CYP17A1: variants seen among roughly 807,000 people sequenced by gnomAD.
The protein encoded by CYP17A1 is steroid 17-alpha-hydroxylase/17,20 lyase.
CYP17A1 carries 27 observed loss-of-function variants against 38.5 expected under a neutral mutation model. That is an observed-to-expected ratio of 0.70 (90% CI 0.52 to 0.97). The LOEUF is 0.97. Ranked by LOEUF, CYP17A1 falls within the 50% of genes least tolerant of loss-of-function variation. The pLI is 0.00. For missense variants in CYP17A1, 549 were observed against 645.9 expected (o/e 0.85, Z 1.63); for synonymous variants, 263 against 253.3 (o/e 1.04, Z -0.36).
rs751185024 is a variant in CYP17A1 at position 102,837,277 on chromosome 10, T to G, written c.85A>C (p.Lys29Gln). The change falls in exon 1 of 8, where the codon AAG (lysine) becomes CAG (glutamine). Residue 29 changes from lysine to glutamine, a missense_variant. Lys to Gln is a moderately conservative substitution (Grantham distance 53). Around this residue, in one of 3 missense-constraint regions of CYP17A1, gnomAD observed 289 missense variants for 320.9 expected, o/e 0.90. Coordinates refer to ENST00000369887, the MANE Select transcript of CYP17A1 (RefSeq NM_000102.4). ...ACCAGGGGCAGGGACAGGAGGCTCT[T>G]GGGGTACTTGGCACCAGGGCACCTT... ...KRRCPGAKYPKSLLSLPLVGS... is the reference protein window; with the variant it reads ...KRRCPGAKYPQSLLSLPLVGS... The G allele has an allele frequency of 2.5e-6, 4 of 1,605,384 alleles. No homozygotes were observed. Among genetic ancestry groups the G allele is most frequent in the Non-Finnish European group, 3.4e-6 (4 of 1,172,032 alleles).
rs759680642 is a variant in CYP17A1 at position 102,830,736 on chromosome 10, G to A, written c.1493C>T (p.Ala498Val). 1.9e-5 allele frequency: 30 copies of A among 1,602,554 alleles called. No individual in the cohort carries two copies. Among genetic ancestry groups the A allele is most frequent in the Non-Finnish European group, 2.1e-5 (25 of 1,171,756 alleles). Residue 498 changes from alanine (A) to valine (V), a missense_variant, in exon 8 of 8, where the codon GCC becomes GTC. Coordinates refer to ENST00000369887, the MANE Select transcript of CYP17A1 (RefSeq NM_000102.4). This position sits in a 1 kb window ranked among gnomAD's most constrained non-coding sequence, Gnocchi z 4.1. ...SFKVKIKVRQ[A>V]WREAQAEGST ...ACCCTCAGCCTGGGCTTCCCTCCAG[G>A]CCTGGCGCACCTTGATCTTCACTTT...
chr10:102,836,925 C>T (rs1033780661), intron 1 of CYP17A1, 140 bp downstream of exon 1: 2 of 743,734 alleles, frequency 2.7e-6, no homozygotes, highest in Non-Finnish European at 4.9e-6. Context: ...AGGTTCACTC[C>T]CTTCACATCA....
Position 102,835,616 on chromosome 10 carries a change from G to A in CYP17A1, c.298-224C>T, listed in dbSNP as rs570171570. On this transcript the variant is annotated intron_variant, in intron 1 of 7. Coordinates refer to ENST00000369887, the MANE Select transcript of CYP17A1 (RefSeq NM_000102.4). ...TTCCTTCAGAAATACAGTAGATCAA[G>A]GAGAAAGAAAGAACCCTTAATTAGA... The A allele has an allele frequency of 4.6e-5, 27 of 589,278 alleles. No individual in the cohort carries two copies. The South Asian group carries it at 4.9e-4, about 11-fold the overall frequency. The allele number at this position is 589,278 out of a possible 1,614,324, so 36.5% of individuals were successfully genotyped here. A position where few individuals can be genotyped will look rare whatever the true frequency, so the allele number is the denominator to read the frequency against.
At chr10:102,834,185 G>C in intron 3 of CYP17A1, 63 bp from the exon 4 acceptor site, 2 of 814,270 alleles carry the variant, frequency 2.5e-6, no homozygotes, top group Non-Finnish European at 2.2e-6. Context: ...AGCTGCCAGA[G>C]TCTCTCCTGG....
intron 1 of CYP17A1, 133 bp downstream of exon 1, chr10:102,836,932 A>G (rs1039949595): frequency 3.7e-5 from 28 of 756,342 alleles, no homozygotes; most frequent in Middle Eastern, 7.2e-4. Context: ...CTCCCTTCAC[A>G]TCATCCCACT....
intron 2 of CYP17A1, 93 bp from the exon 3 acceptor site, chr10:102,835,107 T>C: frequency 9.2e-7 from 1 of 1,085,392 alleles, no homozygotes; most frequent in East Asian, 2.4e-5. Flanking sequence ...GGGGGACAGA[T>C]AGCAGATGGC....
In CYP17A1 at chr10:102,830,703, T is replaced by G; in HGVS notation, c.1526A>C (p.Ter509SerextTer3). The G allele has an allele frequency of 1.3e-6, 2 of 1,569,730 alleles. No individual in the cohort carries two copies. The highest frequency in any genetic ancestry group is 1.7e-6 in the Non-Finnish European group (2 of 1,143,426). ...GACAGGGGCTGTGAGTTACAGCCTTTAGGTGCTACCCTCAGCCTGGGCTTC... is the reference window on the plus strand; with the variant it reads ...GACAGGGGCTGTGAGTTACAGCCTTGAGGTGCTACCCTCAGCCTGGGCTTC... ...WREAQAEGST[*>S] Residue 509 changes from the stop codon to serine (S), a stop_lost, in exon 8 of 8, where the codon TAA becomes TCA. Coordinates refer to ENST00000369887, the MANE Select transcript of CYP17A1 (RefSeq NM_000102.4). This position sits in a 1 kb window ranked among gnomAD's most constrained non-coding sequence, Gnocchi z 4.1.
chr10:102,835,388 G>A lies in CYP17A1; in HGVS notation c.302C>T (p.Thr101Ile). The change falls in exon 2 of 8, where the codon ACT (threonine) becomes ATT (isoleucine). Residue 101 changes from threonine (T) to isoleucine (I), a missense_variant. Around this residue, in one of 3 missense-constraint regions of CYP17A1, gnomAD observed 289 missense variants for 320.9 expected, o/e 0.90. Transcript: ENST00000369887. ...ACGGTTGTTGGACGCGATGTCTAGA[G>A]TTGCCTTTAGAGAGCAGGCAAGGCT... ...KDFSGRPQMATLDIASNNRKG... is the reference protein window; with the variant it reads ...KDFSGRPQMAILDIASNNRKG... 1 of 1,612,448 alleles carries A rather than the reference G, an allele frequency of 6.2e-7. No individual in the cohort carries two copies. The highest frequency in any genetic ancestry group is 8.5e-7 in the Non-Finnish European group (1 of 1,178,382).
At chr10:102,833,595 T>C in intron 4 of CYP17A1, 1 of 300,902 alleles carries the variant, frequency 3.3e-6, no homozygotes, top group East Asian at 8.9e-5. Flanking sequence ...TAGCTGGGAT[T>C]ATAGGCATGC....
At chr10:102,835,209 C>A in intron 2 of CYP17A1, 45 bp downstream of exon 2, 1 of 1,564,952 alleles carries the variant, frequency 6.4e-7, no homozygotes, top group Non-Finnish European at 8.8e-7. Flanking sequence ...TCCAGCAGCT[C>A]CTGTGGGATC....
At chr10:102,834,405 A>G in intron 3 of CYP17A1, 1 of 552,696 alleles carries the variant, frequency 1.8e-6, no homozygotes. Flanking sequence ...CTTAGGAGTG[A>G]GAGAGACATG....
chr10:102,830,828 C>T lies in CYP17A1; in HGVS notation c.1401G>A (p.Val467=), dbSNP rs368364729. 2.5e-6 allele frequency: 4 copies of T among 1,596,716 alleles called. No homozygotes were observed. The highest frequency in any genetic ancestry group is 3.4e-6 in the Non-Finnish European group (4 of 1,169,178). ...AWLLQRFDLE[V]PDDGQLPSLE... is the part of the protein sequence containing the mutation. The stretch of plus-strand genomic sequence containing the variant: ...GGGAGGGCAGCTGCCCATCATCTGG[C>T]ACCTCCAGGTCGAACCTCTGCAGCA... Residue 467 remains valine (V), a synonymous_variant, in exon 8 of 8, where the codon GTG becomes GTA. Transcript: ENST00000369887. This position sits in a 1 kb window ranked among gnomAD's most constrained non-coding sequence, Gnocchi z 4.1.
chr10:102,835,455 C>T (rs1438741884), intron 1 of CYP17A1, 63 bp from the exon 2 acceptor site: 11 of 1,382,118 alleles, frequency 8.0e-6, no homozygotes, highest in African/African-American at 4.3e-5. Context: ...GCCCTTACAC[C>T]TCTGGTCCCT....
chr10:102,831,667 C>A (rs1180145389), intron 6 of CYP17A1, 56 bp from the exon 7 acceptor site: 2 of 1,605,164 alleles, frequency 1.2e-6, no homozygotes, highest in African/African-American at 1.3e-5. Flanking sequence ...CCCTTCCTTG[C>A]TCAGCCTCAT....
rs759770054 is a variant in CYP17A1, at chr10:102,832,555, G to A, written c.1095C>T (p.Pro365=). 1.2e-5 allele frequency: 19 copies of A among 1,611,162 alleles called. No homozygotes were observed. The highest frequency in any genetic ancestry group is 2.2e-5 in the East Asian group (1 of 44,874). ...TGTGGGGGATGAGCATAGGGGCCAC[G>A]GGCCTGAGGCGAAGCACCTCTCGGA... ...ATIREVLRLR[P]VAPMLIPHKA... The change falls in exon 6 of 8, where the codon CCC becomes CCT. Residue 365 remains proline, a synonymous_variant. Coordinates refer to ENST00000369887, the MANE Select transcript of CYP17A1 (RefSeq NM_000102.4).
chr10:102,833,353 G>GAGGTAGGAGGC, intron 4 of CYP17A1, 145 bp from the exon 5 acceptor site: 1 of 1,513,996 alleles, frequency 6.6e-7, no homozygotes, highest in Non-Finnish European at 8.9e-7. Flanking sequence ...CGAACTTGTG[G>GAGGTAGGAGGC]AGGTAGGAGG....
rs759296743 is a variant in CYP17A1 at position 102,830,876 on chromosome 10, C to T, written c.1353G>A (p.Glu451=). 1.3e-6 allele frequency: 2 copies of T among 1,585,118 alleles called. No homozygotes were observed. Among genetic ancestry groups the T allele is most frequent in the Non-Finnish European group, 1.7e-6 (2 of 1,161,762 alleles). ...GCAGCCAGGCCATGATGAGGAAGAG[C>T]TCCTGGCGGGCCAGGATCTCACCTA... ...SCIGEILARQ[E]LFLIMAWLLQ... is the part of the protein sequence containing the mutation. The change falls in exon 8 of 8, where the codon GAG becomes GAA. Residue 451 remains glutamate, a synonymous_variant. Transcript: ENST00000369887. The surrounding 1 kb of genome is among the most constrained non-coding windows in gnomAD (Gnocchi z 4.1).
chr10:102,832,531 G>T lies in CYP17A1; in HGVS notation c.1119C>A (p.His373Gln). Residue 373 changes from histidine (H) to glutamine (Q), a missense_variant, in exon 6 of 8, where the codon CAC becomes CAA. His to Gln is a conservative substitution (Grantham distance 24). Around this residue, in one of 3 missense-constraint regions of CYP17A1, gnomAD observed 257 missense variants for 307.9 expected, o/e 0.83. Transcript: ENST00000369887. ...CACACCTGGAGTCAACGTTGGCCTT[G>T]TGGGGGATGAGCATAGGGGCCACGG... ...LRPVAPMLIPHKANVDSSIGE... is the reference protein window; with the variant it reads ...LRPVAPMLIPQKANVDSSIGE... 1 of 1,610,752 alleles carries T rather than the reference G, an allele frequency of 6.2e-7. No individual in the cohort carries two copies. The highest frequency in any genetic ancestry group is 8.5e-7 in the Non-Finnish European group (1 of 1,177,032).
At position 102,832,980 on chromosome 10, in the gene CYP17A1, G is replaced by T. The variant is rs746600354; in HGVS notation, c.969+13C>A. The T allele has an allele frequency of 3.1e-6, 5 of 1,613,674 alleles. No individual in the cohort carries two copies. Among genetic ancestry groups the T allele is most frequent in the South Asian group, 1.1e-5 (1 of 91,034 alleles). On this transcript the variant is annotated intron_variant, in intron 5 of 7. Coordinates refer to ENST00000369887, the MANE Select transcript of CYP17A1 (RefSeq NM_000102.4). Reference sequence around the variant, plus strand: ...GCTGGCTGGGGTCTAGGATCAATGAGGGGGAAGCACACCTGAGGATTGTGC... The same window carrying T: ...GCTGGCTGGGGTCTAGGATCAATGATGGGGAAGCACACCTGAGGATTGTGC...
Sources: gnomAD v4.1 joint callset for allele counts on GRCh38, gnomAD v4.1.1 for gene constraint, gnomAD v4.1.1 regional missense constraint, Gnocchi (gnomAD v3.1) non-coding constraint, MANE v1.5 for transcripts, NCBI Gene and HGNC (gene_info 2026-07-23, HGNC 2026-07-21) for gene names.